CHD1L: variants seen among roughly 807,000 people sequenced by gnomAD.
CHD1L encodes chromodomain helicase DNA binding protein 1 like, also known as ATP-dependent chromatin remodeler CHD1L.
CHD1L carries 118 observed loss-of-function variants against 115.9 expected under a neutral mutation model. The observed-to-expected ratio is 1.02, with a 90% CI of 0.88 to 1.19. The LOEUF is 1.19. CHD1L is among the 50% of genes most tolerant of loss of function. CHD1L has a pLI of 0.00. For synonymous variants in CHD1L, 411 were observed against 387.1 expected, an observed-to-expected ratio of 1.06 and a Z score of -0.72; for missense variants, 1,179 against 1,065.3, an observed-to-expected ratio of 1.11 and a Z score of -1.49.
chr1:147,226,321 C>A, the CHD1L span, among the ~76,000 whole-genome samples: 1 of 152,034 alleles, frequency 6.6e-6, no homozygotes, highest in South Asian at 2.1e-4. Flanking sequence ...CTTTTAAATC[C>A]CCATGCACTG....
chr1:147,232,634 G>A, the CHD1L span, among the ~76,000 whole-genome samples: 7 of 146,272 alleles, frequency 4.8e-5, no homozygotes, highest in South Asian at 9.9e-4. Flanking sequence ...GAGTGCCTGC[G>A]ATTGCAGGCA....
At chr1:147,174,172 A>AGTTTACAGGAAGTTTACAG in the CHD1L span, among the ~76,000 whole-genome samples, 7 of 151,842 alleles carry the variant, frequency 4.6e-5, no homozygotes, top group Admixed American at 2.0e-4. Flanking sequence ...GTTTACAGGA[A>AGTTTACAGGAAGTTTACAG]GAAAAAAAAA....
intron 16 of CHD1L, among the ~76,000 whole-genome samples, chr1:147,284,770 T>A (rs1322209325): frequency 2.0e-5 from 3 of 152,160 alleles, no homozygotes; most frequent in African/African-American, 7.2e-5. Context: ...AAGGCATTCC[T>A]ATATTATACC....
At chr1:147,240,260 C>T (rs1664736863), upstream of CHD1L, among the ~76,000 whole-genome samples, 1 of 152,230 alleles carries the variant, frequency 6.6e-6, no homozygotes, top group African/African-American at 2.4e-5. Flanking sequence ...GAAACATGGG[C>T]TGTGTCCACT....
At chr1:147,228,696 C>A in the CHD1L span, among the ~76,000 whole-genome samples, 1 of 152,042 alleles carries the variant, frequency 6.6e-6, no homozygotes, top group Non-Finnish European at 1.5e-5. Context: ...TTTAATGATC[C>A]CCATTCTAAC....
chr1:147,288,261 G>A (rs1338135632), intron 19 of CHD1L, among the ~76,000 whole-genome samples: 3 of 140,974 alleles, frequency 2.1e-5, no homozygotes, highest in African/African-American at 7.9e-5. Context: ...AGAGGTTGAG[G>A]TTGCAGTGAG....
At chr1:147,195,306 T>C in the CHD1L span, among the ~76,000 whole-genome samples, 97 of 152,148 alleles carry the variant, frequency 6.4e-4, 1 homozygote, top group African/African-American at 2.2e-3. Context: ...TTTTTTTTTG[T>C]AGTTTTAGTA....
At chr1:147,225,095 GCA>G in the CHD1L span, 2 of 1,609,570 alleles carry the variant, frequency 1.2e-6, no homozygotes, top group African/African-American at 2.7e-5. Flanking sequence ...AAGACAAAAA[GCA>G]CACATCGGTT....
chr1:147,224,837 G>A, the CHD1L span: 6 of 1,536,152 alleles, frequency 3.9e-6, no homozygotes, highest in Non-Finnish European at 5.4e-6. Flanking sequence ...ATAAACTGTC[G>A]TATGCACCTA....
At chr1:147,213,485 G>C in the CHD1L span, 1 of 1,587,250 alleles carries the variant, frequency 6.3e-7, no homozygotes, top group South Asian at 1.2e-5. Flanking sequence ...AAAGAAAAGT[G>C]ATAACCACAG....
chr1:147,254,756 T>G (rs1166815686), intron 2 of CHD1L, 114 bp from the exon 3 acceptor site: 2 of 625,886 alleles, frequency 3.2e-6, no homozygotes, highest in Middle Eastern at 2.7e-4. Context: ...CAATATTTCT[T>G]TGTAAAACAA....
At chr1:147,182,092 A>G in the CHD1L span, among the ~76,000 whole-genome samples, 2 of 152,122 alleles carry the variant, frequency 1.3e-5, no homozygotes, top group East Asian at 3.8e-4. Flanking sequence ...GCAGAGTGTT[A>G]GAGATCTACC....
chr1:147,240,586 C>A (rs1664756058), upstream of CHD1L, among the ~76,000 whole-genome samples: 1 of 151,830 alleles, frequency 6.6e-6, no homozygotes, highest in Non-Finnish European at 1.5e-5. Context: ...AAGAGGAAGG[C>A]ATCTGTCTCC....
the CHD1L span, among the ~76,000 whole-genome samples, chr1:147,219,175 G>T: frequency 6.6e-6 from 1 of 152,104 alleles, no homozygotes; most frequent in African/African-American, 2.4e-5. Context: ...TAAAAATGGC[G>T]TATGATATAA....
the CHD1L span, among the ~76,000 whole-genome samples, chr1:147,212,717 G>A: frequency 1.3e-5 from 2 of 152,046 alleles, no homozygotes; most frequent in African/African-American, 4.8e-5. Flanking sequence ...TAGCCTCAGA[G>A]TAGTACCTTG....
the CHD1L span, among the ~76,000 whole-genome samples, chr1:147,176,858 G>C: frequency 2.0e-5 from 3 of 151,958 alleles, no homozygotes; most frequent in Admixed American, 6.6e-5. Context: ...AGAGGAGTAG[G>C]CATGTGATCA....
intron 19 of CHD1L, 54 bp from the exon 20 acceptor site, chr1:147,291,428 C>A: frequency 7.1e-7 from 1 of 1,398,866 alleles, no homozygotes; most frequent in South Asian, 1.2e-5. Flanking sequence ...GAGGAGGATT[C>A]ATTCATTAGT....
rs1383098810 is a variant in CHD1L, at chr1:147,292,988, T to TA, written c.2392-614dup. ...ATTCCTTCAGTAATTTCTAAAATGC[T>TA]AAAAAAGGAGAAAAGTAAAGTGTCT... is the stretch of plus-strand genomic sequence containing the variant. On this transcript the variant is annotated intron_variant, in intron 20 of 22. Transcript: ENST00000369258. Among the ~76,000 whole-genome samples, 3 of 145,296 alleles carry TA rather than the reference T, an allele frequency of 2.1e-5. No individual in the cohort carries two copies. In the Admixed American group the frequency reaches 2.1e-4, roughly 10 times the overall value.
chr1:147,197,877 T>C, the CHD1L span, among the ~76,000 whole-genome samples: 1 of 152,170 alleles, frequency 6.6e-6, no homozygotes, highest in Non-Finnish European at 1.5e-5. Flanking sequence ...GCCTGGTACA[T>C]ACTAAAAGGT....
Sources: gnomAD v4.1 joint callset for allele counts (sites outside exome capture counted in the v4.1 genomes callset) on GRCh38, gnomAD v4.1.1 for gene constraint, MANE v1.5 for transcripts, NCBI Gene and HGNC (gene_info 2026-07-23, HGNC 2026-07-21) for gene names.